SLC25A16: variants seen among roughly 807,000 people sequenced by gnomAD.
SLC25A16 encodes solute carrier family 25 member 16.
Under a neutral mutation model 41.5 loss-of-function variants are expected in SLC25A16, and 39 were observed. The ratio of observed to expected loss-of-function variants is 0.94; its 90% confidence interval spans 0.73 to 1.23. The LOEUF is 1.23. Among genes scored for constraint, SLC25A16 ranks in the 50% most tolerant of loss-of-function variants. SLC25A16 has a pLI of 0.00. For missense variants in SLC25A16, 421 were observed against 426.9 expected, an observed-to-expected ratio of 0.99 and a Z score of 0.12; for synonymous variants, 146 against 147.8, an observed-to-expected ratio of 0.99 and a Z score of 0.09.
intron 2 of SLC25A16, among the ~76,000 whole-genome samples, chr10:68,513,614 G>A (rs185234166): frequency 5.3e-5 from 8 of 152,196 alleles, no homozygotes; most frequent in South Asian, 2.1e-4. Flanking sequence ...CAGTGCCCGC[G>A]CGTGGTGGCT....
intron 1 of SLC25A16, among the ~76,000 whole-genome samples, chr10:68,520,271 T>C (rs911234019): frequency 5.9e-5 from 9 of 152,104 alleles, no homozygotes; most frequent in African/African-American, 2.2e-4. Context: ...TAATAGTATC[T>C]TAACTTGCTT....
At chr10:68,505,496 C>T (rs964879886) in intron 3 of SLC25A16, among the ~76,000 whole-genome samples, 1 of 152,152 alleles carries the variant, frequency 6.6e-6, no homozygotes. Context: ...TTTACTTGGC[C>T]GGGTGCAGTG....
intron 2 of SLC25A16, among the ~76,000 whole-genome samples, chr10:68,508,385 G>A (rs984266483): frequency 1.1e-4 from 15 of 140,762 alleles, no homozygotes; most frequent in Non-Finnish European, 1.5e-5. Flanking sequence ...ATGTGGATAG[G>A]AGAGTAACAG....
intron 4 of SLC25A16, among the ~76,000 whole-genome samples, chr10:68,495,439 A>C (rs983518569): frequency 2.2e-4 from 34 of 152,112 alleles, no homozygotes; most frequent in Admixed American, 1.7e-3. Context: ...ATAAACTATT[A>C]ACTTTTGACT....
chr10:68,482,115 A>T lies in SLC25A16; in HGVS notation c.*1317T>A, dbSNP rs1159019785. On this transcript the variant is annotated 3_prime_UTR_variant, in exon 9 of 9. Transcript: ENST00000609923. ...GCACCTGTAGTCCCAGCTACTCGGG[A>T]GACTGAGGCAGGAGAATCACTTGAA... The T allele has an allele frequency of 6.6e-6, 1 of 152,082 alleles. No homozygotes were observed. Among genetic ancestry groups the T allele is most frequent in the Non-Finnish European group, 1.5e-5 (1 of 68,064 alleles). 9.4% of individuals were successfully genotyped at this position (152,082 alleles called of 1,614,324 possible). A position where few individuals can be genotyped will look rare whatever the true frequency, so the allele number is the denominator to read the frequency against.
In SLC25A16 at chr10:68,490,890, CT is replaced by C. The variant is rs11389730; in HGVS notation, c.610+2241del. ...ACCACTAGAACAGCTAAAAAATATA[CT>C]TTTTTTTTTTGAAACTGGGACAGGG... On this transcript the variant is annotated intron_variant, in intron 6 of 8. Coordinates refer to ENST00000609923, the MANE Select transcript of SLC25A16 (RefSeq NM_152707.4). 3.4e-3 allele frequency among the ~76,000 whole-genome samples: 498 copies of C among 148,226 alleles called. 1 individual carries two copies. Among genetic ancestry groups the C allele is most frequent in the South Asian group, 5.8e-3 (27 of 4,688 alleles).
chr10:68,489,436 T>A (rs1218864646), intron 6 of SLC25A16, among the ~76,000 whole-genome samples: 1 of 152,150 alleles, frequency 6.6e-6, no homozygotes, highest in African/African-American at 2.4e-5. Flanking sequence ...ACAAAACACG[T>A]AGAATCTGAT....
At chr10:68,509,717 A>ATATATCTATC (rs2053021471) in intron 2 of SLC25A16, among the ~76,000 whole-genome samples, 1 of 135,372 alleles carries the variant, frequency 7.4e-6, no homozygotes, top group African/African-American at 2.8e-5. Context: ...AAAAAAATCT[A>ATATATCTATC]TATATCTATC....
chr10:68,503,298 G>A (rs2052889198), intron 4 of SLC25A16: 1 of 183,826 alleles, frequency 5.4e-6, no homozygotes, highest in East Asian at 1.3e-4. Context: ...TCCAAAAGTA[G>A]AATTGTCAAA....
rs1236868563 is a variant in SLC25A16, at chr10:68,481,454, TC to T, written c.*1977del. The T allele has an allele frequency of 1.3e-5, 2 of 152,168 alleles. No individual in the cohort carries two copies. The highest frequency in any genetic ancestry group is 2.9e-5 in the Non-Finnish European group (2 of 68,042). The allele number at this position is 152,168 out of a possible 1,614,324, so 9.4% of individuals were successfully genotyped here. ...AAAAATTGAAGCAAAAATAACACTT[TC>T]AACTTAGTTTTCCTTCTTTTGTTTG... is the stretch of plus-strand genomic sequence containing the variant. On this transcript the variant is annotated 3_prime_UTR_variant, in exon 9 of 9. Coordinates refer to ENST00000609923, the MANE Select transcript of SLC25A16 (RefSeq NM_152707.4).
intron 8 of SLC25A16, among the ~76,000 whole-genome samples, chr10:68,484,721 TACA>T (rs1331835166): frequency 2.0e-4 from 31 of 152,244 alleles, no homozygotes; most frequent in African/African-American, 7.0e-4. Context: ...AGTAGCTGGA[TACA>T]ACAAGCACAG....
At chr10:68,484,757 A>G (rs945173167) in intron 8 of SLC25A16, among the ~76,000 whole-genome samples, 22 of 152,130 alleles carry the variant, frequency 1.4e-4, no homozygotes, top group African/African-American at 4.6e-4. Flanking sequence ...AGCCCAAAAA[A>G]TCTTTTGGGT....
At position 68,483,608 on chromosome 10, in the gene SLC25A16, T is replaced by C; in HGVS notation, c.843-20A>G. On this transcript the variant is annotated intron_variant, in intron 8 of 8. Coordinates refer to ENST00000609923, the MANE Select transcript of SLC25A16 (RefSeq NM_152707.4). ...ATGGTACTGAAAGACAATGATTAAA[T>C]GATGACCTCTATGCCCACTCATGAA... is the stretch of plus-strand genomic sequence containing the variant. 6.4e-7 allele frequency: 1 copy of C among 1,571,464 alleles called. No individual in the cohort carries two copies. Among genetic ancestry groups the C allele is most frequent in the Non-Finnish European group, 8.6e-7 (1 of 1,160,116 alleles).
intron 4 of SLC25A16, chr10:68,496,866 AGTGGT>A: frequency 1.6e-5 from 3 of 190,610 alleles, no homozygotes; most frequent in Non-Finnish European, 2.9e-5. Context: ...GCTGGAATGC[AGTGGT>A]GTGATCACTG....
At chr10:68,524,861 A>G (rs2053310905) in intron 1 of SLC25A16, among the ~76,000 whole-genome samples, 1 of 151,706 alleles carries the variant, frequency 6.6e-6, no homozygotes, top group South Asian at 2.1e-4. Context: ...TGGCCGACAG[A>G]GTGAGACTCC....
At chr10:68,485,061 T>C (rs1204263044) in intron 8 of SLC25A16, among the ~76,000 whole-genome samples, 1 of 152,148 alleles carries the variant, frequency 6.6e-6, no homozygotes, top group Non-Finnish European at 1.5e-5. Context: ...AAACAAAAAA[T>C]ATTTTTAACA....
Position 68,527,305 on chromosome 10 carries a change from C to A in SLC25A16, c.71G>T (p.Gly24Val). ...DPPPAMPQAA[G>V]AGGPTTRRDF... The stretch of plus-strand genomic sequence containing the variant: ...TCTGCGGGTTGTGGGCCCTCCGGCC[C>A]CTGCCGCCTGCGGCATTGCGGGAGG... The change falls in exon 1 of 9, where the codon GGG (glycine) becomes GTG (valine). Residue 24 changes from glycine (G) to valine (V), a missense_variant. Gly to Val is a moderately radical substitution (Grantham distance 109, BLOSUM62 -3). Coordinates refer to ENST00000609923, the MANE Select transcript of SLC25A16 (RefSeq NM_152707.4). 6.5e-7 allele frequency: 1 copy of A among 1,544,516 alleles called. No individual in the cohort carries two copies. The highest frequency in any genetic ancestry group is 8.7e-7 in the Non-Finnish European group (1 of 1,144,748).
intron 1 of SLC25A16, among the ~76,000 whole-genome samples, chr10:68,520,279 C>T (rs1173815448): frequency 6.6e-6 from 1 of 152,080 alleles, no homozygotes; most frequent in Non-Finnish European, 1.5e-5. Context: ...TCTTAACTTG[C>T]TTTCACACTA....
Position 68,526,208 on chromosome 10 carries a change from C to G in SLC25A16, c.130+1038G>C, listed in dbSNP as rs549812750. Reference sequence around the variant, plus strand: ...CAATGGAATGTCTCGGTATAAAACGCGATTGTATGCTCCATCTACTGAGAT... The same window carrying G: ...CAATGGAATGTCTCGGTATAAAACGGGATTGTATGCTCCATCTACTGAGAT... On this transcript the variant is annotated intron_variant, in intron 1 of 8. Transcript: ENST00000609923. 2.6e-5 allele frequency among the ~76,000 whole-genome samples: 4 copies of G among 151,278 alleles called. No individual in the cohort carries two copies. In the East Asian group the frequency reaches 7.7e-4, roughly 29 times the overall value.
Sources: allele counts gnomAD v4.1 joint callset (sites outside exome capture counted in the v4.1 genomes callset), GRCh38; gene constraint gnomAD v4.1.1; transcripts MANE v1.5; gene names NCBI Gene and HGNC (gene_info 2026-07-23, HGNC 2026-07-21).